GNAI1: variants seen among roughly 807,000 people sequenced by gnomAD.
GNAI1 encodes guanine nucleotide-binding protein G(i) subunit alpha-1.
Under a neutral mutation model 38.9 loss-of-function variants are expected in GNAI1, and 11 were observed. The ratio of observed to expected loss-of-function variants is 0.28; its 90% CI spans 0.18 to 0.47. The LOEUF is 0.47. GNAI1 is among the 20% of genes least tolerant of loss of function. The pLI is 0.99. For synonymous variants in GNAI1, 166 were observed against 145.1 expected, an observed-to-expected ratio of 1.14 and a Z score of -1.04; for missense variants, 317 against 436.9, an observed-to-expected ratio of 0.73 and a Z score of 2.45.
At chr7:80,211,583 T>C (rs1788874372) in intron 6 of GNAI1, among the ~76,000 whole-genome samples, 1 of 152,008 alleles carries the variant, frequency 6.6e-6, no homozygotes, top group Admixed American at 6.5e-5. Context: ...CACACCCAGC[T>C]GATTTTTGTA....
intron 1 of GNAI1, among the ~76,000 whole-genome samples, chr7:80,164,523 G>A (rs558014821): frequency 8.6e-5 from 13 of 151,550 alleles, no homozygotes; most frequent in Non-Finnish European, 1.6e-4. Flanking sequence ...CACCACACCC[G>A]GCTAATTTTT....
chr7:80,166,005 T>C (rs1269356619), intron 1 of GNAI1, among the ~76,000 whole-genome samples: 1 of 152,168 alleles, frequency 6.6e-6, no homozygotes, highest in Non-Finnish European at 1.5e-5. Context: ...ATTTGCTTAA[T>C]CTTTGTTTAT....
At chr7:80,153,443 A>G (rs1036694980) in intron 1 of GNAI1, among the ~76,000 whole-genome samples, 5 of 152,212 alleles carry the variant, frequency 3.3e-5, no homozygotes, top group Admixed American at 1.3e-4. Context: ...ACTATTTCCA[A>G]TTCCACAAGT....
chr7:80,168,346 G>A (rs867534846), intron 1 of GNAI1, among the ~76,000 whole-genome samples: 1 of 151,960 alleles, frequency 6.6e-6, no homozygotes, highest in Admixed American at 6.6e-5. Flanking sequence ...TAAAAATTCC[G>A]ACAAAATATA....
intron 4 of GNAI1, among the ~76,000 whole-genome samples, chr7:80,200,529 G>A (rs920671912): frequency 6.6e-6 from 1 of 151,996 alleles, no homozygotes; most frequent in African/African-American, 2.4e-5. Context: ...GCTGTTGGCT[G>A]TTAGGGACAC....
intron 7 of GNAI1, 74 bp from the exon 8 acceptor site, chr7:80,217,229 T>TGAAACTGACTTCAGTTTCATATGTAA: frequency 1.0e-6 from 1 of 1,004,984 alleles, no homozygotes; most frequent in Non-Finnish European, 1.5e-6. Context: ...TTCATATGTA[T>TGAAACTGACTTCAGTTTCATATGTAA]GAAACTGAAT....
chr7:80,190,884 T>C (rs1338896199), intron 3 of GNAI1, among the ~76,000 whole-genome samples: 1 of 152,088 alleles, frequency 6.6e-6, no homozygotes, highest in Non-Finnish European at 1.5e-5. Flanking sequence ...GTTGTCGTTT[T>C]CTCTTTCTTT....
chr7:80,149,422 C>T (rs1402236132), intron 1 of GNAI1, among the ~76,000 whole-genome samples: 1 of 152,064 alleles, frequency 6.6e-6, no homozygotes, highest in Non-Finnish European at 1.5e-5. Flanking sequence ...TAGATATTCA[C>T]CCCCTAAATG....
chr7:80,222,021 C>T lies in GNAI1; in HGVS notation c.*4528C>T, dbSNP rs533556899. Among the ~76,000 whole-genome samples the T allele has an allele frequency of 6.6e-6, 1 of 152,098 alleles. No homozygotes were observed. The highest frequency in any genetic ancestry group is 1.5e-5 in the Non-Finnish European group (1 of 68,020). Reference sequence around the variant, plus strand: ...ATAAAGAAGTTTACGTTTCACAATCCCACTGGCCTGTTTCCCAGGCATTTT... The same window carrying T: ...ATAAAGAAGTTTACGTTTCACAATCTCACTGGCCTGTTTCCCAGGCATTTT... On this transcript the variant is annotated 3_prime_UTR_variant, in exon 8 of 8. Coordinates refer to ENST00000649796, the MANE Select transcript of GNAI1 (RefSeq NM_002069.6).
intron 7 of GNAI1, among the ~76,000 whole-genome samples, chr7:80,214,672 C>T (rs574298328): frequency 2.6e-5 from 4 of 152,174 alleles, no homozygotes; most frequent in East Asian, 1.9e-4. Flanking sequence ...TTGCTTCTTG[C>T]TTCAGCCGCA....
chr7:80,195,748 A>C (rs1788558251), intron 3 of GNAI1, among the ~76,000 whole-genome samples: 1 of 152,020 alleles, frequency 6.6e-6, no homozygotes, highest in Non-Finnish European at 1.5e-5. Context: ...TCTCATACAT[A>C]AATTCTATCT....
chr7:80,138,087 T>G (rs1355857594), intron 1 of GNAI1, among the ~76,000 whole-genome samples: 1 of 152,220 alleles, frequency 6.6e-6, no homozygotes, highest in Admixed American at 6.5e-5. Flanking sequence ...TCACAGCCAT[T>G]TACATTAGAT....
At chr7:80,199,860 T>C (rs1584045563) in intron 4 of GNAI1, among the ~76,000 whole-genome samples, 1 of 152,294 alleles carries the variant, frequency 6.6e-6, no homozygotes, top group East Asian at 1.9e-4. Context: ...ATTTTTTGAC[T>C]AAGTAAAATA....
chr7:80,209,710 C>G (rs1214089340), intron 5 of GNAI1, among the ~76,000 whole-genome samples: 3 of 152,122 alleles, frequency 2.0e-5, no homozygotes, highest in Non-Finnish European at 4.4e-5. Flanking sequence ...CTGAGATATG[C>G]TATCTTTTCA....
At chr7:80,205,931 CTG>C (rs1190882013) in intron 5 of GNAI1, among the ~76,000 whole-genome samples, 9 of 152,148 alleles carry the variant, frequency 5.9e-5, no homozygotes, top group African/African-American at 2.2e-4. Context: ...TCAGCTAACT[CTG>C]TTGCTCTGAA....
In GNAI1 at chr7:80,217,566, T is replaced by G. The variant is rs1382000424; in HGVS notation, c.*73T>G. 1.3e-6 allele frequency: 1 copy of G among 778,334 alleles called. No homozygotes were observed. Among genetic ancestry groups the G allele is most frequent in the Non-Finnish European group, 2.0e-6 (1 of 500,224 alleles). 48.2% of individuals were successfully genotyped at this position (778,334 alleles called of 1,614,324 possible). A position where few individuals can be genotyped will look rare whatever the true frequency, so the allele number is the denominator to read the frequency against. ...ATATATGGATCTCTGTAGACTAGAG[T>G]CTTGCAGCAACACAGAATGTAATAT... On this transcript the variant is annotated 3_prime_UTR_variant, in exon 8 of 8. Coordinates refer to ENST00000649796, the MANE Select transcript of GNAI1 (RefSeq NM_002069.6).
In GNAI1 at chr7:80,217,532, T is replaced by C. The variant is rs1238482262; in HGVS notation, c.*39T>C. On this transcript the variant is annotated 3_prime_UTR_variant, in exon 8 of 8. Transcript: ENST00000649796. ...TGGTAAAATGCATTTTCAAACCAAA[T>C]GAGTACTTATATATGGATCTCTGTA... 2 of 1,187,644 alleles carry C rather than the reference T, an allele frequency of 1.7e-6. No homozygotes were observed. Among genetic ancestry groups the C allele is most frequent in the South Asian group, 1.4e-5 (1 of 69,734 alleles). The allele number at this position is 1,187,644 out of a possible 1,614,324, so 73.6% of individuals were successfully genotyped here.
intron 1 of GNAI1, among the ~76,000 whole-genome samples, chr7:80,137,561 C>T (rs944451400): frequency 6.6e-6 from 1 of 152,008 alleles, no homozygotes; most frequent in Non-Finnish European, 1.5e-5. Flanking sequence ...CTCAGGTGAT[C>T]CGCCCGCCTC....
intron 1 of GNAI1, among the ~76,000 whole-genome samples, chr7:80,150,658 A>C (rs1787707546): frequency 6.6e-6 from 1 of 152,230 alleles, no homozygotes; most frequent in Non-Finnish European, 1.5e-5. Context: ...CTCAAGCTGG[A>C]TGCTGGACAC....
Sources: allele counts gnomAD v4.1 joint callset (sites outside exome capture counted in the v4.1 genomes callset), GRCh38; gene constraint gnomAD v4.1.1; transcripts MANE v1.5; gene names NCBI Gene and HGNC (gene_info 2026-07-23, HGNC 2026-07-21).